CACNA1I: variants seen among roughly 807,000 people sequenced by gnomAD.
The protein encoded by CACNA1I is calcium voltage-gated channel subunit alpha1 I.
In CACNA1I, 74 loss-of-function variants were observed where a neutral mutation model predicts 201.6. That is an observed-to-expected ratio of 0.37 (90% CI 0.30 to 0.45). The LOEUF is 0.45. Ranked by LOEUF, CACNA1I falls within the 20% of genes least tolerant of loss-of-function variation. The probability of loss-of-function intolerance (pLI) is 1.00; values close to 1 mark genes in which losing one functional copy is unlikely to be tolerated. For synonymous variants in CACNA1I, 1,431 were observed against 1,345.2 expected, an observed-to-expected ratio of 1.06 and a Z score of -1.40; for missense variants, 2,346 against 3,138.1, an observed-to-expected ratio of 0.75 and a Z score of 6.03.
At chr22:39,668,584 A>G (rs952034936) in intron 24 of CACNA1I, among the ~76,000 whole-genome samples, 5 of 152,036 alleles carry the variant, frequency 3.3e-5, no homozygotes, top group Non-Finnish European at 5.9e-5. Flanking sequence ...TCGTCGTTCC[A>G]TTTGCTTTGG....
chr22:39,682,041 T>C (rs1183360839), intron 34 of CACNA1I, among the ~76,000 whole-genome samples: 1 of 152,072 alleles, frequency 6.6e-6, no homozygotes, highest in African/African-American at 2.4e-5. Context: ...GAGGGGGCAT[T>C]AAGGCGGCTC....
Position 39,687,567 on chromosome 22 carries a change from G to C in CACNA1I, c.*1162G>C, listed in dbSNP as rs186987460. 2.9e-3 allele frequency: 436 copies of C among 152,304 alleles called. 2 individuals carry two copies. Among genetic ancestry groups the C allele is most frequent in the African/African-American group, 0.01 (419 of 41,524 alleles). 9.4% of individuals were successfully genotyped at this position (152,304 alleles called of 1,614,324 possible). On this transcript the variant is annotated 3_prime_UTR_variant, in exon 37 of 37. Coordinates refer to ENST00000402142, the MANE Select transcript of CACNA1I (RefSeq NM_021096.4). ...TAGGCAGGGGTGGGGGCACCTGCCT[G>C]GGCCCTGGGTCCAGCCGCATCCCCA... is the stretch of plus-strand genomic sequence containing the variant.
intron 29 of CACNA1I, among the ~76,000 whole-genome samples, chr22:39,675,397 C>T (rs185418340): frequency 1.3e-5 from 2 of 152,248 alleles, no homozygotes; most frequent in Admixed American, 6.5e-5. Context: ...CATGCTCTGA[C>T]CCCTGGGCGG....
chr22:39,667,467 G>T (rs549411082), intron 23 of CACNA1I, among the ~76,000 whole-genome samples: 1 of 152,134 alleles, frequency 6.6e-6, no homozygotes, highest in Non-Finnish European at 1.5e-5. Context: ...TGTAACCTCC[G>T]GGCAGTTTCA....
At chr22:39,663,931 G>T in intron 19 of CACNA1I, 90 bp downstream of exon 19, 1 of 1,565,972 alleles carries the variant, frequency 6.4e-7, no homozygotes, top group Non-Finnish European at 8.7e-7. Flanking sequence ...TCACCGAGGT[G>T]GGGAGGCAGG....
intron 6 of CACNA1I, 39 bp downstream of exon 6, chr22:39,641,221 G>A (rs753905764): frequency 1.3e-6 from 2 of 1,561,050 alleles, no homozygotes; most frequent in Admixed American, 1.7e-5. Context: ...TGGTCCTAGA[G>A]TGGGCAGCTC....
chr22:39,596,984 C>T (rs939394226), intron 1 of CACNA1I, among the ~76,000 whole-genome samples: 1 of 152,158 alleles, frequency 6.6e-6, no homozygotes, highest in African/African-American at 2.4e-5. Context: ...CAGCATCTCT[C>T]CTCTTACAGA....
At chr22:39,641,320 A>G in intron 6 of CACNA1I, 138 bp downstream of exon 6, 1 of 679,096 alleles carries the variant, frequency 1.5e-6, no homozygotes, top group Non-Finnish European at 2.5e-6. Flanking sequence ...AGGCATTATC[A>G]TGCCCATTTT....
chr22:39,636,397 C>T (rs949981479), intron 5 of CACNA1I, among the ~76,000 whole-genome samples: 4 of 152,250 alleles, frequency 2.6e-5, no homozygotes, highest in Admixed American at 6.5e-5. Flanking sequence ...GGAGAAAGAA[C>T]GCCCTAAGGG....
chr22:39,685,829 C>A lies in CACNA1I; in HGVS notation c.6096C>A (p.Leu2032=), dbSNP rs749429403. The A allele has an allele frequency of 3.3e-6, 5 of 1,495,102 alleles. No homozygotes were observed. The South Asian group carries it at 6.2e-5, about 19-fold the overall frequency. 92.6% of individuals were successfully genotyped at this position (1,495,102 alleles called of 1,614,324 possible). A position where few individuals can be genotyped will look rare whatever the true frequency, so the allele number is the denominator to read the frequency against. The change falls in exon 37 of 37, where the codon CTC becomes CTA. Residue 2032 remains leucine (L), a synonymous_variant. Coordinates refer to ENST00000402142, the MANE Select transcript of CACNA1I (RefSeq NM_021096.4). The surrounding 1 kb of genome is among the most constrained non-coding windows in gnomAD (Gnocchi z 5.0). ...CCGCGGGCAGCCTGCAGACCACGCT[C>A]GAGGACAGCCTGACCCTGAGCGACA... ...SSSAGSLQTT[L]EDSLTLSDSP...
At chr22:39,680,431 C>T (rs1214026931) in intron 33 of CACNA1I, among the ~76,000 whole-genome samples, 1 of 152,162 alleles carries the variant, frequency 6.6e-6, no homozygotes, top group Non-Finnish European at 1.5e-5. Flanking sequence ...CAGGTGGCTG[C>T]AGGGCAGGTC....
chr22:39,633,031 C>T lies in CACNA1I; in HGVS notation c.581-1534C>T, dbSNP rs569428466. Among the ~76,000 whole-genome samples, 33 of 151,936 alleles carry T rather than the reference C, an allele frequency of 2.2e-4. 2 individuals carry two copies. In the South Asian group the frequency reaches 4.4e-3, roughly 20 times the overall value. On this transcript the variant is annotated intron_variant, in intron 4 of 36. Transcript: ENST00000402142. ...AAATCACTGCACACAGAGTTTGTGA[C>T]GCAAATTCCAAATAATTATCCTCAT...
chr22:39,662,675 G>A, intron 17 of CACNA1I, 101 bp from the exon 18 acceptor site: 2 of 862,956 alleles, frequency 2.3e-6, no homozygotes, highest in South Asian at 1.5e-5. Flanking sequence ...CAGAGAGTTC[G>A]GAGGTGACCC....
intron 6 of CACNA1I, among the ~76,000 whole-genome samples, chr22:39,641,413 C>T (rs750246309): frequency 6.6e-6 from 1 of 152,252 alleles, no homozygotes; most frequent in Non-Finnish European, 1.5e-5. Flanking sequence ...CAAAAATAGG[C>T]TCTTAACCCA....
intron 5 of CACNA1I, among the ~76,000 whole-genome samples, chr22:39,635,614 G>A (rs543521683): frequency 3.2e-4 from 48 of 152,314 alleles, no homozygotes; most frequent in African/African-American, 1.1e-3. Flanking sequence ...GACCACAGCA[G>A]GGGCACCTTG....
chr22:39,593,125 C>T (rs1489798131), intron 1 of CACNA1I, among the ~76,000 whole-genome samples: 3 of 151,742 alleles, frequency 2.0e-5, no homozygotes, highest in African/African-American at 7.2e-5. Context: ...ACTCCATCTG[C>T]CTCCTGCGGG....
chr22:39,622,438 C>G (rs1933773063), intron 4 of CACNA1I, among the ~76,000 whole-genome samples: 1 of 150,936 alleles, frequency 6.6e-6, no homozygotes, highest in Admixed American at 6.6e-5. Context: ...GGGGAGGGAG[C>G]TGCAGGAGCT....
chr22:39,575,686 G>T (rs534734994), intron 1 of CACNA1I, among the ~76,000 whole-genome samples: 1 of 152,182 alleles, frequency 6.6e-6, no homozygotes, highest in Non-Finnish European at 1.5e-5. Flanking sequence ...CTCCAGCAGG[G>T]CACCTCTGGC....
chr22:39,661,339 G>C, intron 16 of CACNA1I, 29 bp downstream of exon 16: 11 of 1,499,022 alleles, frequency 7.3e-6, no homozygotes, highest in Non-Finnish European at 9.8e-6. Context: ...CTCTGGACGG[G>C]CGCTTCCTGC....
Sources: gnomAD v4.1 joint callset for allele counts (sites outside exome capture counted in the v4.1 genomes callset) on GRCh38, gnomAD v4.1.1 for gene constraint, Gnocchi (gnomAD v3.1) non-coding constraint, MANE v1.5 for transcripts, NCBI Gene and HGNC (gene_info 2026-07-23, HGNC 2026-07-21) for gene names.